The following ATF4 variants were observed in gnomAD, a reference collection of about 807,000 sequenced individuals.
The protein encoded by ATF4 is cyclic AMP-dependent transcription factor ATF-4.
ATF4 carries 8 observed loss-of-function variants against 21.0 expected under a neutral mutation model. The ratio of observed to expected loss-of-function variants is 0.38; its 90% CI spans 0.22 to 0.69. The LOEUF (loss-of-function observed/expected upper bound fraction) is 0.69. Among genes scored for constraint, ATF4 ranks in the 30% least tolerant of loss-of-function variants. ATF4 has a pLI of 0.49. For synonymous variants in ATF4, 241 were observed against 166.4 expected, an observed-to-expected ratio of 1.45 and a Z score of -3.45; for missense variants, 549 against 425.9, an observed-to-expected ratio of 1.29 and a Z score of -2.54.
At chr22:39,521,284 CATA>C in intron 1 of ATF4, 67 bp from the exon 2 acceptor site, 1 of 595,746 alleles carries the variant, frequency 1.7e-6, no homozygotes, top group Non-Finnish European at 2.9e-6. Flanking sequence ...AGTCCCGCCT[CATA>C]AGTGGAAGGA....
chr22:39,522,043 C>T lies in ATF4; in HGVS notation c.497C>T (p.Ser166Phe). Residue 166 changes from serine (S) to phenylalanine (F), a missense_variant, in exon 3 of 3, where the codon TCC (serine) becomes TTC (phenylalanine). Coordinates refer to ENST00000674920, the MANE Select transcript of ATF4 (RefSeq NM_182810.3). ...PFTFLQPLPLSPGVLSSTPDH... is the reference protein window; with the variant it reads ...PFTFLQPLPLFPGVLSSTPDH... Reference sequence around the variant, plus strand: ...ACCTTCTTACAACCTCTTCCCCTTTCCCCAGGGGTCCTGTCCTCCACTCCA... The same window carrying T: ...ACCTTCTTACAACCTCTTCCCCTTTTCCCAGGGGTCCTGTCCTCCACTCCA... The T allele has an allele frequency of 6.2e-7, 1 of 1,613,928 alleles. No homozygotes were observed. Among genetic ancestry groups the T allele is most frequent in the Non-Finnish European group, 8.5e-7 (1 of 1,179,856 alleles).
In ATF4 at chr22:39,522,674, T is replaced by C. The variant is rs955572638; in HGVS notation, c.*72T>C. 1.6e-4 allele frequency: 217 copies of C among 1,355,472 alleles called. No homozygotes were observed. Among genetic ancestry groups the C allele is most frequent in the Non-Finnish European group, 1.5e-4 (158 of 1,021,802 alleles). The allele number at this position is 1,355,472 out of a possible 1,614,324, so 84.0% of individuals were successfully genotyped here. ...AGCTGTGTGTTCCAATAAATTATTT[T>C]GTAGGGAAAGTACTTGTGCGTTTGA... On this transcript the variant is annotated 3_prime_UTR_variant, in exon 3 of 3. Coordinates refer to ENST00000674920, the MANE Select transcript of ATF4 (RefSeq NM_182810.3).
rs1001545052 is a variant in ATF4 at position 39,521,413 on chromosome 22, G to A, written c.-33G>A. On this transcript the variant is annotated 5_prime_UTR_variant, in exon 2 of 3. Coordinates refer to ENST00000674920, the MANE Select transcript of ATF4 (RefSeq NM_182810.3). ...ACCGACAAAGACACCTTCGAATTAA[G>A]CACATTCCTCGATTCCAGCAAAGCA... The A allele has an allele frequency of 2.7e-6, 4 of 1,507,272 alleles. No homozygotes were observed. The highest frequency in any genetic ancestry group is 3.6e-6 in the Non-Finnish European group (4 of 1,124,498). 93.4% of individuals were successfully genotyped at this position (1,507,272 alleles called of 1,614,324 possible). A position where few individuals can be genotyped will look rare whatever the true frequency, so the allele number is the denominator to read the frequency against.
At position 39,522,075 on chromosome 22, in the gene ATF4, T is replaced by C; in HGVS notation, c.529T>C (p.Ser177Pro). The change falls in exon 3 of 3, where the codon TCC becomes CCC. Residue 177 changes from serine (S) to proline (P), a missense_variant. By Grantham distance (74) the Ser-to-Pro change is moderately conservative. Coordinates refer to ENST00000674920, the MANE Select transcript of ATF4 (RefSeq NM_182810.3). Reference sequence around the variant, plus strand: ...GGTCCTGTCCTCCACTCCAGATCATTCCTTTAGTTTAGAGCTGGGCAGTGA... The same window carrying C: ...GGTCCTGTCCTCCACTCCAGATCATCCCTTTAGTTTAGAGCTGGGCAGTGA... ...PGVLSSTPDHSFSLELGSEVD... is the reference protein window; with the variant it reads ...PGVLSSTPDHPFSLELGSEVD... 5.6e-6 allele frequency: 9 copies of C among 1,613,858 alleles called. No homozygotes were observed. Among genetic ancestry groups the C allele is most frequent in the Non-Finnish European group, 7.6e-6 (9 of 1,179,836 alleles).
rs779767311 is a variant in ATF4, at chr22:39,522,645, C to T, written c.*43C>T. On this transcript the variant is annotated 3_prime_UTR_variant, in exon 3 of 3. Coordinates refer to ENST00000674920, the MANE Select transcript of ATF4 (RefSeq NM_182810.3). ...CGTCAATGTGCTTGTACATAGAGTG[C>T]TGTAGCTGTGTGTTCCAATAAATTA... 2 of 1,442,892 alleles carry T rather than the reference C, an allele frequency of 1.4e-6. No individual in the cohort carries two copies. The highest frequency in any genetic ancestry group is 9.3e-7 in the Non-Finnish European group (1 of 1,080,770). 89.4% of individuals were successfully genotyped at this position (1,442,892 alleles called of 1,614,324 possible).
rs542420026 is a variant in ATF4, at chr22:39,521,852, A to G, written c.306A>G (p.Ile102Met). 3 of 1,614,216 alleles carry G rather than the reference A, an allele frequency of 1.9e-6. No homozygotes were observed. The highest frequency in any genetic ancestry group is 1.6e-4 in the Middle Eastern group (1 of 6,062). The change falls in exon 3 of 3, where the codon ATA becomes ATG. Residue 102 changes from isoleucine (I) to methionine (M), a missense_variant. Transcript: ENST00000674920. ...KEFDLDALLG[I>M]DDLETMPDDL... ...TCGACTTGGATGCCCTGTTGGGTAT[A>G]GATGACCTGGAAACCATGCCAGATG...
Position 39,520,758 on chromosome 22 carries a change from A to T in ATF4, c.-93+7A>T, listed in dbSNP as rs1409011552. 6.5e-6 allele frequency: 1 copy of T among 153,650 alleles called. No homozygotes were observed. The allele number at this position is 153,650 out of a possible 1,614,324, so 9.5% of individuals were successfully genotyped here. ...CAGCGGCTTAAGCCATGGCGTGAGT[A>T]CCGGGGCGGGTCGTCCAGCTGTGCT... is the stretch of plus-strand genomic sequence containing the variant. On this transcript the variant is annotated splice_region_variant and intron_variant, in intron 1 of 2. Transcript: ENST00000674920.
In ATF4 at chr22:39,522,293, A is replaced by G. The variant is rs761742541; in HGVS notation, c.747A>G (p.Pro249=). The G allele has an allele frequency of 1.9e-6, 3 of 1,609,828 alleles. No individual in the cohort carries two copies. Among genetic ancestry groups the G allele is most frequent in the Non-Finnish European group, 1.7e-6 (2 of 1,178,390 alleles). Residue 249 remains proline, a synonymous_variant, in exon 3 of 3, where the codon CCA becomes CCG. Coordinates refer to ENST00000674920, the MANE Select transcript of ATF4 (RefSeq NM_182810.3). ...CTCCAAATAGGAGCCTCCCATCTCCAGGTGTTCTCTGTGGGTCTGCCCGTC... is the reference window on the plus strand; with the variant it reads ...CTCCAAATAGGAGCCTCCCATCTCCGGGTGTTCTCTGTGGGTCTGCCCGTC... The part of the protein sequence containing the change: ...RGSPNRSLPS[P]GVLCGSARPK...
intron 1 of ATF4, 67 bp from the exon 2 acceptor site, chr22:39,521,287 A>C (rs1009820191): frequency 4.3e-5 from 26 of 597,818 alleles, no homozygotes; most frequent in Non-Finnish European, 7.5e-5. Context: ...CCCGCCTCAT[A>C]AGTGGAAGGA....
rs776455859 is a variant in ATF4 at position 39,522,337 on chromosome 22, C to T, written c.791C>T (p.Pro264Leu). 8.1e-6 allele frequency: 13 copies of T among 1,612,828 alleles called. No individual in the cohort carries two copies. The Middle Eastern group carries it at 5.0e-4, about 61-fold the overall frequency. Residue 264 changes from proline (P) to leucine (L), a missense_variant, in exon 3 of 3, where the codon CCT (proline) becomes CTT (leucine). Coordinates refer to ENST00000674920, the MANE Select transcript of ATF4 (RefSeq NM_182810.3). ...GSARPKPYDP[P>L]GEKMVAAKVK... The stretch of plus-strand genomic sequence containing the variant: ...GCCCGTCCCAAACCTTACGATCCTC[C>T]TGGAGAGAAGATGGTAGCAGCAAAA...
chr22:39,521,136 G>C (rs576961618), intron 1 of ATF4: 3 of 195,376 alleles, frequency 1.5e-5, no homozygotes, highest in Non-Finnish European at 2.1e-5. Context: ...ACGTGGGGAC[G>C]GAGCGCTTTC....
Position 39,521,397 on chromosome 22 carries a change from G to A in ATF4, c.-49G>A. On this transcript the variant is annotated 5_prime_UTR_variant, in exon 2 of 3. Coordinates refer to ENST00000674920, the MANE Select transcript of ATF4 (RefSeq NM_182810.3). ...CAGCAGCGTTGCTGTAACCGACAAAGACACCTTCGAATTAAGCACATTCCT... is the reference window on the plus strand; with the variant it reads ...CAGCAGCGTTGCTGTAACCGACAAAAACACCTTCGAATTAAGCACATTCCT... The A allele has an allele frequency of 6.8e-7, 1 of 1,479,110 alleles. No individual in the cohort carries two copies. Among genetic ancestry groups the A allele is most frequent in the Non-Finnish European group, 9.1e-7 (1 of 1,101,090 alleles). The allele number at this position is 1,479,110 out of a possible 1,614,324, so 91.6% of individuals were successfully genotyped here.
At chr22:39,521,328 G>A (rs367738767) in intron 1 of ATF4, 26 bp from the exon 2 acceptor site, 7 of 827,750 alleles carry the variant, frequency 8.5e-6, no homozygotes, top group South Asian at 7.2e-5. Context: ...ACCTCTAATG[G>A]GAGTTGGCTT....
Position 39,521,908 on chromosome 22 carries a change from A to T in ATF4, c.362A>T (p.Asp121Val), listed in dbSNP as rs759424161. ...DLLTTLDDTC[D>V]LFAPLVQETN... The stretch of plus-strand genomic sequence containing the variant: ...CTGACCACGTTGGATGACACTTGTG[A>T]TCTCTTTGCCCCCCTAGTCCAGGAG... Residue 121 changes from aspartate (D) to valine (V), a missense_variant, in exon 3 of 3, where the codon GAT becomes GTT. By Grantham distance (152) the Asp-to-Val change is radical. Coordinates refer to ENST00000674920, the MANE Select transcript of ATF4 (RefSeq NM_182810.3). 17 of 1,613,886 alleles carry T rather than the reference A, an allele frequency of 1.1e-5. 1 individual carries two copies. Among genetic ancestry groups the T allele is most frequent in the Non-Finnish European group, 1.1e-5 (13 of 1,179,918 alleles).
intron 1 of ATF4, 166 bp downstream of exon 1, chr22:39,520,917 C>CA (rs1471441140): frequency 6.5e-6 from 1 of 152,736 alleles, no homozygotes; most frequent in Non-Finnish European, 1.5e-5. Context: ...GCTCGCGTGC[C>CA]TGGGATCGGG....
At chr22:39,520,946 C>G (rs953812665) in intron 1 of ATF4, 195 bp downstream of exon 1, 9 of 152,762 alleles carry the variant, frequency 5.9e-5, no homozygotes, top group African/African-American at 2.2e-4. Flanking sequence ...GTCGGGTGCC[C>G]GGACTGCTTC....
At position 39,522,564 on chromosome 22, in the gene ATF4, G is replaced by A. The variant is rs1931036801; in HGVS notation, c.1018G>A (p.Glu340Lys). ...EIQYLKDLIE[E>K]VRKARGKKRV... ...CCAGTACCTGAAAGATTTGATAGAAGAGGTCCGCAAGGCAAGGGGGAAGAA... is the reference window on the plus strand; with the variant it reads ...CCAGTACCTGAAAGATTTGATAGAAAAGGTCCGCAAGGCAAGGGGGAAGAA... The change falls in exon 3 of 3, where the codon GAG (glutamate) becomes AAG (lysine). Residue 340 changes from glutamate (E) to lysine (K), a missense_variant. Physicochemically the swap from Glu to Lys is moderately conservative, Grantham distance 56 (BLOSUM62 1). Transcript: ENST00000674920. The A allele has an allele frequency of 6.4e-7, 1 of 1,566,152 alleles. No homozygotes were observed. The highest frequency in any genetic ancestry group is 8.6e-7 in the Non-Finnish European group (1 of 1,160,418).
In ATF4 at chr22:39,522,308, G is replaced by C. The variant is rs147301363; in HGVS notation, c.762G>C (p.Gly254=). ...RSLPSPGVLC[G]SARPKPYDPP... is the part of the protein sequence containing the mutation. ...TCCCATCTCCAGGTGTTCTCTGTGG[G>C]TCTGCCCGTCCCAAACCTTACGATC... The change falls in exon 3 of 3, where the codon GGG becomes GGC. Residue 254 remains glycine, a synonymous_variant. Coordinates refer to ENST00000674920, the MANE Select transcript of ATF4 (RefSeq NM_182810.3). 61 of 1,612,340 alleles carry C rather than the reference G, an allele frequency of 3.8e-5. No homozygotes were observed. The African/African-American group carries it at 8.1e-4, about 22-fold the overall frequency.
At position 39,522,111 on chromosome 22, in the gene ATF4, A is replaced by G. The variant is rs141643322; in HGVS notation, c.565A>G (p.Thr189Ala). The change falls in exon 3 of 3, where the codon ACT becomes GCT. Residue 189 changes from threonine to alanine, a missense_variant. Thr to Ala is a moderately conservative substitution (Grantham distance 58). Transcript: ENST00000674920. The stretch of plus-strand genomic sequence containing the variant: ...AGAGCTGGGCAGTGAAGTGGATATC[A>G]CTGAAGGAGATAGGAAGCCAGACTA... ...SLELGSEVDI[T>A]EGDRKPDYTA... is the part of the protein sequence containing the mutation. 5 of 1,613,760 alleles carry G rather than the reference A, an allele frequency of 3.1e-6. No homozygotes were observed. The African/African-American group carries it at 6.7e-5, about 22-fold the overall frequency.
Sources: gnomAD v4.1 joint callset for allele counts on GRCh38, gnomAD v4.1.1 for gene constraint, MANE v1.5 for transcripts, NCBI Gene and HGNC (gene_info 2026-07-23, HGNC 2026-07-21) for gene names.